Variants in LMBR1 observed in about 807,000 individuals in gnomAD.
The protein encoded by LMBR1 is limb region 1 protein homolog.
Under a neutral mutation model 73.9 loss-of-function variants are expected in LMBR1, and 52 were observed. The ratio of observed to expected loss-of-function variants is 0.70; its 90% CI spans 0.56 to 0.89. The LOEUF (loss-of-function observed/expected upper bound fraction) is 0.89, where lower values mean the gene tolerates loss of function less well. LMBR1 is among the 40% of genes least tolerant of loss of function. The pLI, the probability that LMBR1 is intolerant of heterozygous loss-of-function variation, is 0.00. For missense variants in LMBR1, 539 were observed against 579.8 expected, an observed-to-expected ratio of 0.93 and a Z score of 0.72; for synonymous variants, 215 against 209.4, an observed-to-expected ratio of 1.03 and a Z score of -0.23.
At chr7:156,887,128 A>AGAAC (rs1802036390) in intron 1 of LMBR1, among the ~76,000 whole-genome samples, 1 of 152,258 alleles carries the variant, frequency 6.6e-6, no homozygotes, top group Admixed American at 6.5e-5. Context: ...GAACTATGAG[A>AGAAC]TATTCATAAT....
At chr7:156,743,929 T>C (rs1376304433) in intron 9 of LMBR1, among the ~76,000 whole-genome samples, 2 of 152,190 alleles carry the variant, frequency 1.3e-5, no homozygotes, top group Non-Finnish European at 2.9e-5. Flanking sequence ...TTTAACAATA[T>C]TTAGTTCAAG....
At chr7:156,882,563 G>A (rs1484360958) in intron 1 of LMBR1, among the ~76,000 whole-genome samples, 1 of 152,200 alleles carries the variant, frequency 6.6e-6, no homozygotes, top group Non-Finnish European at 1.5e-5. Flanking sequence ...TATCTAAAAT[G>A]GTCAAATTCA....
At chr7:156,697,765 A>G (rs998823087) in intron 15 of LMBR1, among the ~76,000 whole-genome samples, 2 of 152,220 alleles carry the variant, frequency 1.3e-5, no homozygotes. Flanking sequence ...CTGATTTCAT[A>G]TTGTTCAAAC....
At chr7:156,694,743 AT>A (rs1807928176) in intron 15 of LMBR1, among the ~76,000 whole-genome samples, 1 of 151,976 alleles carries the variant, frequency 6.6e-6, no homozygotes, top group Non-Finnish European at 1.5e-5. Flanking sequence ...CAAAATCAAC[AT>A]AAAAAACCAG....
intron 4 of LMBR1, among the ~76,000 whole-genome samples, chr7:156,804,228 G>A (rs1019741699): frequency 6.6e-6 from 1 of 152,120 alleles, no homozygotes; most frequent in African/African-American, 2.4e-5. Context: ...GTTTTTGTCT[G>A]GCTTCTGTTA....
intron 8 of LMBR1, among the ~76,000 whole-genome samples, chr7:156,761,253 A>G (rs370864783): frequency 1.3e-4 from 20 of 152,220 alleles, no homozygotes; most frequent in African/African-American, 4.8e-4. Context: ...ATCCATGAAA[A>G]TAAGTGACAG....
intron 1 of LMBR1, among the ~76,000 whole-genome samples, chr7:156,867,728 C>T (rs1798666748): frequency 6.6e-6 from 1 of 152,140 alleles, no homozygotes; most frequent in African/African-American, 2.4e-5. Flanking sequence ...ATAGGCAAAT[C>T]TAGGCAAAGT....
At chr7:156,872,887 A>G (rs1221763999) in intron 1 of LMBR1, among the ~76,000 whole-genome samples, 1 of 152,188 alleles carries the variant, frequency 6.6e-6, no homozygotes, top group Non-Finnish European at 1.5e-5. Flanking sequence ...AGACGCTCTG[A>G]AAGAAGCAGA....
At chr7:156,829,632 A>G (rs1836313182) in intron 3 of LMBR1, among the ~76,000 whole-genome samples, 1 of 152,206 alleles carries the variant, frequency 6.6e-6, no homozygotes, top group South Asian at 2.1e-4. Flanking sequence ...ATAGCAACAC[A>G]TAACAGACTA....
chr7:156,694,637 A>C (rs972628123), intron 15 of LMBR1, among the ~76,000 whole-genome samples: 2 of 152,230 alleles, frequency 1.3e-5, no homozygotes, highest in Admixed American at 1.3e-4. Context: ...AAAATTATCT[A>C]CATATGCAGT....
intron 15 of LMBR1, among the ~76,000 whole-genome samples, chr7:156,718,372 C>A (rs1813698828): frequency 6.6e-6 from 1 of 150,632 alleles, no homozygotes; most frequent in African/African-American, 2.4e-5. Flanking sequence ...TGCACTTCAA[C>A]CTGAGCAACA....
intron 5 of LMBR1, among the ~76,000 whole-genome samples, chr7:156,770,068 A>G (rs1824896020): frequency 6.6e-6 from 1 of 152,240 alleles, no homozygotes; most frequent in African/African-American, 2.4e-5. Context: ...GAATCTGAAA[A>G]ATAATAACAA....
rs1830849258 is a variant in LMBR1, at chr7:156,800,921, T to C, written c.320-4429A>G. Among the ~76,000 whole-genome samples, 3 of 152,294 alleles carry C rather than the reference T, an allele frequency of 2.0e-5. No homozygotes were observed. The South Asian group carries it at 6.2e-4, about 32-fold the overall frequency. ...GGTGGATCCTGAAGATGTGACTGAATTGCTGCAATCTCATGATAAAACTTG... is the reference window on the plus strand; with the variant it reads ...GGTGGATCCTGAAGATGTGACTGAACTGCTGCAATCTCATGATAAAACTTG... On this transcript the variant is annotated intron_variant, in intron 4 of 16. Transcript: ENST00000353442.
At chr7:156,746,637 C>A (rs1339139622) in intron 9 of LMBR1, among the ~76,000 whole-genome samples, 1 of 152,078 alleles carries the variant, frequency 6.6e-6, no homozygotes, top group Admixed American at 6.5e-5. Flanking sequence ...ATAAATCATA[C>A]TTTTATTAAA....
intron 7 of LMBR1, among the ~76,000 whole-genome samples, chr7:156,762,760 G>C (rs994341778): frequency 6.6e-6 from 1 of 152,058 alleles, no homozygotes; most frequent in African/African-American, 2.4e-5. Context: ...TGAGGCTATA[G>C]CATGTGTGTA....
intron 4 of LMBR1, among the ~76,000 whole-genome samples, chr7:156,812,317 C>CAG (rs60561733): frequency 0.051 from 7,651 of 149,884 alleles, 229 homozygotes; most frequent in South Asian, 0.086. Flanking sequence ...TTTAAACACA[C>CAG]AGAGAGAGAG....
chr7:156,715,405 T>C (rs1812998204), intron 15 of LMBR1, among the ~76,000 whole-genome samples: 1 of 152,238 alleles, frequency 6.6e-6, no homozygotes, highest in Admixed American at 6.5e-5. Flanking sequence ...AATCGTACAA[T>C]ATAACAACAT....
chr7:156,676,108 C>A, downstream of LMBR1: 1 of 815,844 alleles, frequency 1.2e-6, no homozygotes, highest in Non-Finnish European at 1.9e-6. Flanking sequence ...TGTGGTAGGA[C>A]TTTCCTCATG....
At chr7:156,801,902 C>A (rs1190587520) in intron 4 of LMBR1, among the ~76,000 whole-genome samples, 1 of 152,186 alleles carries the variant, frequency 6.6e-6, no homozygotes, top group Admixed American at 6.5e-5. Context: ...CAGAAACGTG[C>A]CCTTGTCCCA....
Sources: allele counts gnomAD v4.1 joint callset (sites outside exome capture counted in the v4.1 genomes callset), GRCh38; gene constraint gnomAD v4.1.1; transcripts MANE v1.5; gene names NCBI Gene and HGNC (gene_info 2026-07-23, HGNC 2026-07-21).